Variants in ESYT3 observed in about 807,000 individuals in gnomAD.
ESYT3 encodes the protein extended synaptotagmin 3.
In ESYT3, 101 loss-of-function variants were observed where a neutral mutation model predicts 111.5. The ratio of observed to expected loss-of-function variants is 0.91; its 90% confidence interval spans 0.77 to 1.07. The LOEUF is 1.07. Among genes scored for constraint, ESYT3 ranks in the 50% least tolerant of loss-of-function variants. ESYT3 has a pLI of 0.00. For synonymous variants in ESYT3, 416 were observed against 446.8 expected (o/e 0.93, Z 0.87); for missense variants, 1,097 against 1,109.4 (o/e 0.99, Z 0.16).
At chr3:138,456,356 A>C (rs1002345925) in intron 3 of ESYT3, among the ~76,000 whole-genome samples, 4 of 152,206 alleles carry the variant, frequency 2.6e-5, no homozygotes, top group Admixed American at 2.6e-4. Context: ...ATGCAAGTTC[A>C]GAAATGGAGG....
In ESYT3 at chr3:138,434,798, G is replaced by A. The variant is rs1055782724; in HGVS notation, c.-1G>A. Reference sequence around the variant, plus strand: ...GGGAAGGGCAAGACTGCGGCGACGAGATGCGAGCAGAGGAGCCCTGCGCCC... The same window carrying A: ...GGGAAGGGCAAGACTGCGGCGACGAAATGCGAGCAGAGGAGCCCTGCGCCC... On this transcript the variant is annotated 5_prime_UTR_variant, in exon 1 of 23. Transcript: ENST00000389567. 35 of 1,548,966 alleles carry A rather than the reference G, an allele frequency of 2.3e-5. No individual in the cohort carries two copies. The highest frequency in any genetic ancestry group is 3.0e-5 in the Non-Finnish European group (34 of 1,152,112).
At chr3:138,465,489 A>T (rs1576456773) in intron 10 of ESYT3, 68 bp downstream of exon 10, 9 of 1,272,818 alleles carry the variant, frequency 7.1e-6, no homozygotes, top group Non-Finnish European at 1.0e-5. Flanking sequence ...TGGGCTAGAT[A>T]CCCTGCTCCT....
rs752913178 is a variant in ESYT3 at position 138,472,600 on chromosome 3, C to G, written c.1978C>G (p.Gln660Glu). The G allele has an allele frequency of 5.0e-6, 8 of 1,614,226 alleles. No homozygotes were observed. The highest frequency in any genetic ancestry group is 6.8e-6 in the Non-Finnish European group (8 of 1,180,050). The change falls in exon 18 of 23, where the codon CAA becomes GAA. Residue 660 changes from glutamine (Q) to glutamate (E), a missense_variant. Transcript: ENST00000389567. ...ATTVATEPTS[Q>E]ETGPEPKGKD... is the part of the protein sequence containing the mutation. ...CACCGTTGCCACTGAGCCCACATCC[C>G]AAGAGACAGGCCCAGAGCCTAAAGG...
Position 138,469,497 on chromosome 3 carries a change from C to A in ESYT3, c.1496C>A (p.Thr499Lys). 6.2e-7 allele frequency: 1 copy of A among 1,613,866 alleles called. No individual in the cohort carries two copies. The highest frequency in any genetic ancestry group is 8.5e-7 in the Non-Finnish European group (1 of 1,179,788). The change falls in exon 15 of 23, where the codon ACA (threonine) becomes AAA (lysine). Residue 499 changes from threonine to lysine, a missense_variant. Transcript: ENST00000389567. Reference protein sequence around the residue: ...VKLSVGKKTHTSKTCPHNKDP... With the variant: ...VKLSVGKKTHKSKTCPHNKDP... ...CTATCTGTAGGCAAGAAGACACATA[C>A]AAGTAAGGTAAGACAGCTTGGTGTG...
chr3:138,468,931 T>C, intron 14 of ESYT3, 50 bp downstream of exon 14: 1 of 1,582,788 alleles, frequency 6.3e-7, no homozygotes. Flanking sequence ...TCACAGCTTC[T>C]CTCCCCAGAG....
intron 19 of ESYT3, 64 bp from the exon 20 acceptor site, chr3:138,474,157 A>T: frequency 6.4e-7 from 1 of 1,573,544 alleles, no homozygotes; most frequent in Non-Finnish European, 8.6e-7. Context: ...AAACTCTCAA[A>T]TGTTCAGTGT....
intron 17 of ESYT3, 25 bp downstream of exon 17, chr3:138,471,051 G>T: frequency 6.3e-7 from 1 of 1,598,664 alleles, no homozygotes; most frequent in Non-Finnish European, 8.6e-7. Flanking sequence ...TCCCCTGGGG[G>T]AGGGGAGGAA....
intron 5 of ESYT3, 100 bp downstream of exon 5, chr3:138,459,353 G>A: frequency 1.1e-6 from 1 of 933,874 alleles, no homozygotes; most frequent in African/African-American, 1.7e-5. Context: ...AGAAGGTGGT[G>A]GCAACACTAA....
intron 15 of ESYT3, 113 bp from the exon 16 acceptor site, chr3:138,469,947 C>T (rs2033131161): frequency 5.1e-6 from 4 of 789,516 alleles, no homozygotes. Context: ...GATCCCAGGG[C>T]ATATAGGTAA....
intron 1 of ESYT3, among the ~76,000 whole-genome samples, chr3:138,444,964 G>A (rs2031431074): frequency 6.6e-6 from 1 of 152,188 alleles, no homozygotes; most frequent in African/African-American, 2.4e-5. Context: ...AGCCTGGGGA[G>A]CCCTGTCCAC....
In ESYT3 at chr3:138,440,837, C is replaced by T. The variant is rs1263371718; in HGVS notation, c.327+5712C>T. 1.3e-5 allele frequency among the ~76,000 whole-genome samples: 2 copies of T among 152,238 alleles called. No homozygotes were observed. Among genetic ancestry groups the T allele is most frequent in the Non-Finnish European group, 2.9e-5 (2 of 68,044 alleles). On this transcript the variant is annotated intron_variant, in intron 1 of 22. Transcript: ENST00000389567. The surrounding 1 kb of genome is among the most constrained non-coding windows in gnomAD (Gnocchi z 4.2). The stretch of plus-strand genomic sequence containing the variant: ...AGGCATACATGTGTTCATTCCTATA[C>T]TCACTCAGCAAGCATTTATCGAGAA...
chr3:138,437,621 T>C (rs1460705608), intron 1 of ESYT3, among the ~76,000 whole-genome samples: 1 of 152,124 alleles, frequency 6.6e-6, no homozygotes, highest in Non-Finnish European at 1.5e-5. Context: ...TTCTGAAGGC[T>C]GGAAGGAGCC....
At chr3:138,459,278 CT>C in intron 5 of ESYT3, 25 bp downstream of exon 5, 1 of 1,518,736 alleles carries the variant, frequency 6.6e-7, no homozygotes, top group South Asian at 1.3e-5. Flanking sequence ...GTGGGGCTGC[CT>C]CTGTTCCAGC....
rs1163774737 is a variant in ESYT3, at chr3:138,479,864, A to G, written c.*3010A>G. ...CTGCATCCTGAAGTTGATATTCTGT[A>G]TCCCCTAGAGTCCACTTCTACCCCG... On this transcript the variant is annotated 3_prime_UTR_variant, in exon 23 of 23. Coordinates refer to ENST00000389567, the MANE Select transcript of ESYT3 (RefSeq NM_031913.5). 6.6e-6 allele frequency: 1 copy of G among 152,156 alleles called. No individual in the cohort carries two copies. The highest frequency in any genetic ancestry group is 1.5e-5 in the Non-Finnish European group (1 of 68,014). 9.4% of individuals were successfully genotyped at this position (152,156 alleles called of 1,614,324 possible).
Position 138,434,774 on chromosome 3 carries a change from G to A in ESYT3, c.-25G>A. On this transcript the variant is annotated 5_prime_UTR_variant, in exon 1 of 23. Transcript: ENST00000389567. ...GACCTAAGCTCGGGTGAAGCTCTCG[G>A]GAAGGGCAAGACTGCGGCGACGAGA... 6.6e-7 allele frequency: 1 copy of A among 1,510,470 alleles called. No homozygotes were observed. 93.6% of individuals were successfully genotyped at this position (1,510,470 alleles called of 1,614,324 possible).
Position 138,455,192 on chromosome 3 carries a change from AG to A in ESYT3, c.370-1del, listed in dbSNP as rs2032197459. The A allele has an allele frequency of 6.2e-7, 1 of 1,614,068 alleles. No individual in the cohort carries two copies. Among genetic ancestry groups the A allele is most frequent in the Non-Finnish European group, 8.5e-7 (1 of 1,180,022 alleles). On this transcript the variant is annotated splice_acceptor_variant, in intron 2 of 22. Coordinates refer to ENST00000389567, the MANE Select transcript of ESYT3 (RefSeq NM_031913.5). LOFTEE classifies it high-confidence loss of function. ...ACCAAGAGCCTCTTCCCGTCTTCAC[AG>A]ATCATCTCTCAGACCTGGCCCTACC...
chr3:138,459,253 G>A lies in ESYT3; in HGVS notation c.648G>A (p.Gln216=). 2 of 1,555,938 alleles carry A rather than the reference G, an allele frequency of 1.3e-6. No homozygotes were observed. Among genetic ancestry groups the A allele is most frequent in the African/African-American group, 2.7e-5 (2 of 73,586 alleles). The part of the protein sequence containing the change: ...QKIQAGVNGI[Q]LQGTLRVILE... ...TTCAGGCTGGTGTGAACGGGATCCAGGTGGGTGGAGCCCGGTGGGGCTGCC... is the reference window on the plus strand; with the variant it reads ...TTCAGGCTGGTGTGAACGGGATCCAAGTGGGTGGAGCCCGGTGGGGCTGCC... The change falls in exon 5 of 23, where the codon CAG becomes CAA. Residue 216 remains glutamine (Q), a splice_region_variant and synonymous_variant. Transcript: ENST00000389567.
chr3:138,476,225 T>G lies in ESYT3; in HGVS notation c.2471T>G (p.Phe824Cys), dbSNP rs1560249857. The change falls in exon 21 of 23, where the codon TTT (phenylalanine) becomes TGT (cysteine). Residue 824 changes from phenylalanine (F) to cysteine (C), a missense_variant and splice_region_variant. Coordinates refer to ENST00000389567, the MANE Select transcript of ESYT3 (RefSeq NM_031913.5). ...CACTTCCTTTTTGCTTCCTAAAGAT[T>G]TGAATTTTTTGTTCCCATGGAAGAA... ...KTLEPLFDET[F>C]EFFVPMEEVK... The G allele has an allele frequency of 6.2e-7, 1 of 1,604,596 alleles. No homozygotes were observed. Among genetic ancestry groups the G allele is most frequent in the East Asian group, 2.2e-5 (1 of 44,822 alleles).
At chr3:138,454,903 TAATA>T (rs1320061574) in intron 2 of ESYT3, among the ~76,000 whole-genome samples, 1 of 152,266 alleles carries the variant, frequency 6.6e-6, no homozygotes, top group Non-Finnish European at 1.5e-5. Flanking sequence ...GGCTTTCTAA[TAATA>T]AATGTAGTGA....
Sources: allele counts gnomAD v4.1 joint callset (sites outside exome capture counted in the v4.1 genomes callset), GRCh38; gene constraint gnomAD v4.1.1; non-coding constraint Gnocchi (gnomAD v3.1); transcripts MANE v1.5; gene names NCBI Gene and HGNC (gene_info 2026-07-23, HGNC 2026-07-21).